ARHGEF40: variants seen among roughly 807,000 people sequenced by gnomAD.
ARHGEF40 encodes Rho guanine nucleotide exchange factor 40.
ARHGEF40 carries 98 observed loss-of-function variants against 165.9 expected under a neutral mutation model. The observed-to-expected ratio is 0.59, with a 90% CI of 0.50 to 0.70. ARHGEF40 has a LOEUF of 0.70. Ranked by LOEUF, ARHGEF40 falls within the 30% of genes least tolerant of loss-of-function variation. ARHGEF40 has a pLI of 0.00. For synonymous variants in ARHGEF40, 792 were observed against 814.3 expected (o/e 0.97, Z 0.47); for missense variants, 1,815 against 1,968.0 (o/e 0.92, Z 1.47).
Position 21,082,334 on chromosome 14 carries a change from G to A in ARHGEF40, c.3342G>A (p.Glu1114=). Reference sequence around the variant, plus strand: ...AGCCAGTGCCACCCCCTGGGCCTGAGCTGACGCCTGAACTTCGGGGCACCT... The same window carrying A: ...AGCCAGTGCCACCCCCTGGGCCTGAACTGACGCCTGAACTTCGGGGCACCT... ...LSEPVPPPGP[E]LTPELRGTWA... Residue 1114 remains glutamate (E), a synonymous_variant, in exon 15 of 24, where the codon GAG becomes GAA. Coordinates refer to ENST00000298694, the MANE Select transcript of ARHGEF40 (RefSeq NM_018071.5). 5 of 1,612,788 alleles carry A rather than the reference G, an allele frequency of 3.1e-6. No individual in the cohort carries two copies. Among genetic ancestry groups the A allele is most frequent in the Non-Finnish European group, 4.2e-6 (5 of 1,179,912 alleles).
Position 21,073,170 on chromosome 14 carries a change from C to A in ARHGEF40, c.129C>A (p.Asp43Glu), listed in dbSNP as rs371983969. 1 of 1,614,074 alleles carries A rather than the reference C, an allele frequency of 6.2e-7. No individual in the cohort carries two copies. The highest frequency in any genetic ancestry group is 1.1e-5 in the South Asian group (1 of 91,072). The change falls in exon 2 of 24, where the codon GAC (aspartate) becomes GAA (glutamate). Residue 43 changes from aspartate to glutamate, a missense_variant. Asp to Glu is a conservative substitution (Grantham distance 45). Transcript: ENST00000298694. This position sits in a 1 kb window ranked among gnomAD's most constrained non-coding sequence, Gnocchi z 4.6. The stretch of plus-strand genomic sequence containing the variant: ...TGGTGGAGAGGACTTATCGGGAGGA[C>A]GCACTGAGGTACACGCTGGACTTCC... ...FQVVERTYRE[D>E]ALRYTLDFLV...
intron 21 of ARHGEF40, 93 bp from the exon 22 acceptor site, chr14:21,087,875 A>G (rs1217750167): frequency 2.6e-6 from 4 of 1,558,516 alleles, no homozygotes; most frequent in African/African-American, 1.4e-5. Context: ...TCCTGTTGCT[A>G]TGGAGCTTTT....
chr14:21,087,566 T>C (rs1888458360), intron 21 of ARHGEF40, 103 bp downstream of exon 21: 2 of 1,504,020 alleles, frequency 1.3e-6, no homozygotes, highest in Non-Finnish European at 1.8e-6. Flanking sequence ...AGAAGCCCAG[T>C]TGCCATGACA....
chr14:21,062,036 G>T, the ARHGEF40 span, among the ~76,000 whole-genome samples: 6 of 152,126 alleles, frequency 3.9e-5, no homozygotes, highest in African/African-American at 1.4e-4. Flanking sequence ...AGATCAAATA[G>T]TCGGTGAATA....
chr14:21,070,346 G>T lies in ARHGEF40; in HGVS notation c.-51G>T. 2 of 1,401,026 alleles carry T rather than the reference G, an allele frequency of 1.4e-6. No homozygotes were observed. The highest frequency in any genetic ancestry group is 1.8e-6 in the Non-Finnish European group (2 of 1,082,484). The allele number at this position is 1,401,026 out of a possible 1,614,324, so 86.8% of individuals were successfully genotyped here. A position where few individuals can be genotyped will look rare whatever the true frequency, so the allele number is the denominator to read the frequency against. ...AGCGGCGGGAGGGAGGCGGTGGCGC[G>T]CCCGGCCCCGCCCGCCCGACCAAGC... On this transcript the variant is annotated 5_prime_UTR_variant, in exon 1 of 24. Transcript: ENST00000298694. This position sits in a 1 kb window ranked among gnomAD's most constrained non-coding sequence, Gnocchi z 4.7.
intron 21 of ARHGEF40, 152 bp downstream of exon 21, chr14:21,087,615 T>C: frequency 1.8e-6 from 2 of 1,133,850 alleles, no homozygotes; most frequent in East Asian, 5.1e-5. Context: ...GAGCCTTCCA[T>C]CTGGTTGCTA....
At chr14:21,087,541 TC>T in intron 21 of ARHGEF40, 78 bp downstream of exon 21, 1 of 1,555,772 alleles carries the variant, frequency 6.4e-7, no homozygotes, top group Non-Finnish European at 8.7e-7. Context: ...GCTGAGCAAT[TC>T]CTTTTTCTAG....
rs760070840 is a variant in ARHGEF40, at chr14:21,080,648, C to A, written c.2374-12C>A. On this transcript the variant is annotated splice_polypyrimidine_tract_variant and intron_variant, in intron 11 of 23. Coordinates refer to ENST00000298694, the MANE Select transcript of ARHGEF40 (RefSeq NM_018071.5). ...TCCATGACCCCCTGCCCTCCCACCC[C>A]ATCTGCCTCAGGTGTTGCAGTGGCT... 1.7e-5 allele frequency: 27 copies of A among 1,607,096 alleles called. No individual in the cohort carries two copies. Among genetic ancestry groups the A allele is most frequent in the Non-Finnish European group, 2.1e-5 (25 of 1,177,408 alleles).
In ARHGEF40 at chr14:21,070,378, C is replaced by A; in HGVS notation, c.-19C>A. ...CCCGCCCGCCCGACCAAGCGTCGGA[C>A]GCGGCCCGGCGCCGAGCCATGGTGA... On this transcript the variant is annotated 5_prime_UTR_variant, in exon 1 of 24. Transcript: ENST00000298694. This position sits in a 1 kb window ranked among gnomAD's most constrained non-coding sequence, Gnocchi z 4.7. 7.1e-7 allele frequency: 1 copy of A among 1,406,052 alleles called. No individual in the cohort carries two copies. Among genetic ancestry groups the A allele is most frequent in the Non-Finnish European group, 9.2e-7 (1 of 1,088,818 alleles). 87.1% of individuals were successfully genotyped at this position (1,406,052 alleles called of 1,614,324 possible). A position where few individuals can be genotyped will look rare whatever the true frequency, so the allele number is the denominator to read the frequency against.
Position 21,073,759 on chromosome 14 carries a change from C to G in ARHGEF40, c.202-173C>G, listed in dbSNP as rs1594550603. Among the ~76,000 whole-genome samples, 1 of 152,180 alleles carries G rather than the reference C, an allele frequency of 6.6e-6. No homozygotes were observed. Among genetic ancestry groups the G allele is most frequent in the East Asian group, 1.9e-4 (1 of 5,196 alleles). On this transcript the variant is annotated intron_variant, in intron 2 of 23. Transcript: ENST00000298694. This position sits in a 1 kb window ranked among gnomAD's most constrained non-coding sequence, Gnocchi z 4.6. ...CTACTACTGGGAGACCGATCAGTCC[C>G]AATCCCTTCCTCTCTGCCACCTGAA...
At position 21,087,416 on chromosome 14, in the gene ARHGEF40, G is replaced by A. The variant is rs150353200; in HGVS notation, c.4340G>A (p.Arg1447His). The change falls in exon 21 of 24, where the codon CGC (arginine) becomes CAC (histidine). Residue 1447 changes from arginine (R) to histidine (H), a missense_variant. By Grantham distance (29) the Arg-to-His change is conservative. Transcript: ENST00000298694. Reference protein sequence around the residue: ...LSPGACSLPARVEEEAWDLDV... With the variant: ...LSPGACSLPAHVEEEAWDLDV... ...CCGGGAGCCTGCTCCCTGCCTGCCC[G>A]CGTCGAGGAGGAGGCCTGGGATCTG... is the stretch of plus-strand genomic sequence containing the variant. The A allele has an allele frequency of 1.9e-5, 30 of 1,601,460 alleles. No individual in the cohort carries two copies. The highest frequency in any genetic ancestry group is 8.3e-5 in the Admixed American group (5 of 60,010).
chr14:21,089,894 G>C lies in ARHGEF40; in HGVS notation c.*886G>C, dbSNP rs1042764404. On this transcript the variant is annotated 3_prime_UTR_variant, in exon 24 of 24. Coordinates refer to ENST00000298694, the MANE Select transcript of ARHGEF40 (RefSeq NM_018071.5). ...TGCGTGAGAACTTGCTTGGCTGTTT[G>C]TTAAATGCTAATTCTTGGGCCCCAT... is the stretch of plus-strand genomic sequence containing the variant. The C allele has an allele frequency of 9.7e-6, 2 of 205,466 alleles. No individual in the cohort carries two copies. Among genetic ancestry groups the C allele is most frequent in the Non-Finnish European group, 2.0e-5 (2 of 99,332 alleles). The allele number at this position is 205,466 out of a possible 1,614,324, so 12.7% of individuals were successfully genotyped here. A position where few individuals can be genotyped will look rare whatever the true frequency, so the allele number is the denominator to read the frequency against.
At position 21,087,460 on chromosome 14, in the gene ARHGEF40, C is replaced by T. The variant is rs1888450314; in HGVS notation, c.4384C>T (p.Leu1462=). Residue 1462 remains leucine, a synonymous_variant, in exon 21 of 24, where the codon CTG becomes TTG. Coordinates refer to ENST00000298694, the MANE Select transcript of ARHGEF40 (RefSeq NM_018071.5). ...AWDLDVKQIS[L]APETLDSSGD... is the part of the protein sequence containing the mutation. ...GGATCTGGACGTCAAGCAAATTTCC[C>T]TGGGTGAGGCACCTCTCAAGGGGTG... The T allele has an allele frequency of 6.2e-7, 1 of 1,600,488 alleles. No homozygotes were observed. Among genetic ancestry groups the T allele is most frequent in the African/African-American group, 1.3e-5 (1 of 74,938 alleles).
chr14:21,078,301 A>C, intron 9 of ARHGEF40, 29 bp downstream of exon 9: 11 of 1,608,630 alleles, frequency 6.8e-6, no homozygotes, highest in Non-Finnish European at 8.5e-6. Context: ...CAGTGGGGGG[A>C]TGGGATTGGG....
At chr14:21,078,755 G>A in intron 10 of ARHGEF40, 129 bp from the exon 11 acceptor site, 1 of 1,355,758 alleles carries the variant, frequency 7.4e-7, no homozygotes, top group Non-Finnish European at 1.0e-6. Flanking sequence ...AAGCAGTCAG[G>A]GTTCAGCCCA....
chr14:21,074,990 A>T lies in ARHGEF40; in HGVS notation c.1260A>T (p.Pro420=). 1 of 1,613,354 alleles carries T rather than the reference A, an allele frequency of 6.2e-7. No homozygotes were observed. The highest frequency in any genetic ancestry group is 1.1e-5 in the South Asian group (1 of 91,002). Reference sequence around the variant, plus strand: ...AAGCCCTTGGCAATCTGCCCTCACCAAGTGAGCACAAGCTTCCAGAATGCC... The same window carrying T: ...AAGCCCTTGGCAATCTGCCCTCACCTAGTGAGCACAAGCTTCCAGAATGCC... ...HQEALGNLPS[P]SEHKLPECHL... is the part of the protein sequence containing the mutation. Residue 420 remains proline (P), a synonymous_variant, in exon 3 of 24, where the codon CCA becomes CCT. Transcript: ENST00000298694. This position sits in a 1 kb window ranked among gnomAD's most constrained non-coding sequence, Gnocchi z 4.8.
In ARHGEF40 at chr14:21,087,451, C is replaced by A. The variant is rs771762112; in HGVS notation, c.4375C>A (p.Gln1459Lys). 39 of 1,600,600 alleles carry A rather than the reference C, an allele frequency of 2.4e-5. No homozygotes were observed. In the Admixed American group the frequency reaches 6.3e-4, roughly 26 times the overall value. ...GGAGGCCTGGGATCTGGACGTCAAG[C>A]AAATTTCCCTGGGTGAGGCACCTCT... ...EEEAWDLDVK[Q>K]ISLAPETLDS... The change falls in exon 21 of 24, where the codon CAA becomes AAA. Residue 1459 changes from glutamine to lysine, a missense_variant. Physicochemically the swap from Gln to Lys is moderately conservative, Grantham distance 53. Coordinates refer to ENST00000298694, the MANE Select transcript of ARHGEF40 (RefSeq NM_018071.5).
rs1374439617 is a variant in ARHGEF40 at position 21,088,089 on chromosome 14, A to G, written c.4509A>G (p.Leu1503=). The G allele has an allele frequency of 6.2e-6, 10 of 1,610,844 alleles. No homozygotes were observed. The highest frequency in any genetic ancestry group is 8.5e-6 in the Non-Finnish European group (10 of 1,178,542). Reference sequence around the variant, plus strand: ...TGGCCAGTCGAGGGATCTTAGGGCTATCCCGACAGGTAAGTTCCTACAACG... The same window carrying G: ...TGGCCAGTCGAGGGATCTTAGGGCTGTCCCGACAGGTAAGTTCCTACAACG... ...PTLASRGILG[L]SRQSHARALS... is the part of the protein sequence containing the mutation. Residue 1503 remains leucine, a synonymous_variant, in exon 22 of 24, where the codon CTA becomes CTG. Coordinates refer to ENST00000298694, the MANE Select transcript of ARHGEF40 (RefSeq NM_018071.5).
intron 11 of ARHGEF40, among the ~76,000 whole-genome samples, chr14:21,079,908 G>A (rs1887737380): frequency 6.6e-6 from 1 of 152,050 alleles, no homozygotes; most frequent in Non-Finnish European, 1.5e-5. Context: ...GTAAGATGTT[G>A]GACAAGTCAT....
Sources: allele counts gnomAD v4.1 joint callset (sites outside exome capture counted in the v4.1 genomes callset), GRCh38; gene constraint gnomAD v4.1.1; non-coding constraint Gnocchi (gnomAD v3.1); transcripts MANE v1.5; gene names NCBI Gene and HGNC (gene_info 2026-07-23, HGNC 2026-07-21).